Variants in CSMD1 observed in about 807,000 individuals in gnomAD.
The protein encoded by CSMD1 is CUB and Sushi multiple domains 1, also known as CUB and sushi domain-containing protein 1.
A neutral mutation model predicts 417.5 loss-of-function variants in CSMD1; 213 were observed. The observed-to-expected ratio is 0.51, with a 90% CI of 0.46 to 0.57. CSMD1 has a LOEUF of 0.57. Ranked by LOEUF, CSMD1 falls within the 20% of genes least tolerant of loss-of-function variation. The pLI is 0.00. For missense variants in CSMD1, 6,923 were observed against 4,529.7 expected, an observed-to-expected ratio of 1.53 and a Z score of -15.17; for synonymous variants, 2,862 against 1,736.8, an observed-to-expected ratio of 1.65 and a Z score of -16.11.
At chr8:4,608,792 G>C (rs906382733) in intron 2 of CSMD1, among the ~76,000 whole-genome samples, 1 of 152,168 alleles carries the variant, frequency 6.6e-6, no homozygotes, top group African/African-American at 2.4e-5. Context: ...CTAGCTGAAT[G>C]TGTGATACAC....
At chr8:4,864,476 C>T (rs541834232) in intron 1 of CSMD1, among the ~76,000 whole-genome samples, 5 of 151,930 alleles carry the variant, frequency 3.3e-5, no homozygotes, top group African/African-American at 1.2e-4. Context: ...AATCATTGCT[C>T]AGAAACCCTA....
At chr8:4,201,338 A>T (rs1388825274) in intron 3 of CSMD1, among the ~76,000 whole-genome samples, 1 of 152,076 alleles carries the variant, frequency 6.6e-6, no homozygotes, top group Non-Finnish European at 1.5e-5. Flanking sequence ...GGAGATCGAG[A>T]CCATCTTGGG....
intron 5 of CSMD1, among the ~76,000 whole-genome samples, chr8:3,851,397 T>A (rs143168238): frequency 2.4e-3 from 362 of 152,314 alleles, no homozygotes; most frequent in African/African-American, 6.6e-3. Context: ...TCTTTTGGCA[T>A]GGACATATGT....
rs866200954 is a variant in CSMD1 at position 4,732,558 on chromosome 8, A to G, written c.86-95000T>C. On this transcript the variant is annotated intron_variant, in intron 1 of 69. Coordinates refer to ENST00000635120, the MANE Select transcript of CSMD1 (RefSeq NM_033225.6). ...AATGCAATTGAATTTTATTTGTACT[A>G]ATGGAAAGCAACCTGTCAGAGAAGC... Among the ~76,000 whole-genome samples the G allele has an allele frequency of 3.9e-5, 6 of 152,174 alleles. No homozygotes were observed. The South Asian group carries it at 1.0e-3, about 26-fold the overall frequency.
chr8:3,283,283 TAAAG>T (rs1383665193), intron 26 of CSMD1, among the ~76,000 whole-genome samples: 14 of 152,016 alleles, frequency 9.2e-5, no homozygotes, highest in African/African-American at 3.4e-4. Flanking sequence ...CTTCATTACA[TAAAG>T]AAAGTGTCAG....
At chr8:3,360,059 G>C (rs1161061779) in intron 20 of CSMD1, among the ~76,000 whole-genome samples, 1 of 152,156 alleles carries the variant, frequency 6.6e-6, no homozygotes, top group African/African-American at 2.4e-5. Context: ...TAAAAGCAAA[G>C]GCACAGGGCT....
intron 56 of CSMD1, among the ~76,000 whole-genome samples, 163 bp downstream of exon 56, chr8:2,974,288 A>G (rs1323781747): frequency 1.3e-5 from 2 of 152,264 alleles, no homozygotes; most frequent in Non-Finnish European, 2.9e-5. Context: ...TGAAGACAAT[A>G]TCTATAAGAG....
intron 5 of CSMD1, among the ~76,000 whole-genome samples, chr8:3,823,451 C>T (rs988922973): frequency 2.6e-5 from 4 of 152,192 alleles, no homozygotes; most frequent in African/African-American, 4.8e-5. Flanking sequence ...AAGTATAAAA[C>T]GTTTGCAATT....
chr8:3,576,714 C>T (rs1396879440), intron 9 of CSMD1, among the ~76,000 whole-genome samples: 1 of 152,058 alleles, frequency 6.6e-6, no homozygotes, highest in Non-Finnish European at 1.5e-5. Flanking sequence ...AAACATGGAC[C>T]CCTCTTATAC....
chr8:3,181,844 C>G (rs1374823742), intron 36 of CSMD1, among the ~76,000 whole-genome samples: 2 of 152,084 alleles, frequency 1.3e-5, no homozygotes, highest in African/African-American at 2.4e-5. Context: ...ATACAGATAC[C>G]GAGGACCAGG....
At chr8:4,008,084 T>C (rs1816267186) in intron 4 of CSMD1, among the ~76,000 whole-genome samples, 2 of 152,198 alleles carry the variant, frequency 1.3e-5, no homozygotes, top group Non-Finnish European at 1.5e-5. Context: ...GGTTTTTTCT[T>C]TGTTTTTAAA....
intron 5 of CSMD1, among the ~76,000 whole-genome samples, chr8:3,982,629 G>C (rs967860484): frequency 2.0e-5 from 3 of 149,326 alleles, no homozygotes; most frequent in South Asian, 2.1e-4. Context: ...AAAAAAAAAA[G>C]CCATTAAATT....
At chr8:4,211,117 T>A (rs1267258487) in intron 3 of CSMD1, among the ~76,000 whole-genome samples, 3 of 152,202 alleles carry the variant, frequency 2.0e-5, no homozygotes, top group Non-Finnish European at 4.4e-5. Flanking sequence ...CTTGCTGTTA[T>A]ATATTCCTGA....
chr8:4,874,018 G>A (rs577270477), intron 1 of CSMD1, among the ~76,000 whole-genome samples: 17 of 152,230 alleles, frequency 1.1e-4, no homozygotes, highest in Admixed American at 7.2e-4. Flanking sequence ...GTAATCGCAT[G>A]ATTAGTCTAT....
intron 1 of CSMD1, among the ~76,000 whole-genome samples, chr8:4,945,104 A>T (rs1036738176): frequency 3.3e-5 from 5 of 152,162 alleles, no homozygotes; most frequent in Non-Finnish European, 7.4e-5. Context: ...TACAACACAG[A>T]TGGACCTCAA....
intron 8 of CSMD1, among the ~76,000 whole-genome samples, chr8:3,602,685 C>T (rs978040952): frequency 6.6e-6 from 1 of 150,962 alleles, no homozygotes; most frequent in Non-Finnish European, 1.5e-5. Context: ...ATCACATCTC[C>T]TATTTCAACC....
intron 21 of CSMD1, among the ~76,000 whole-genome samples, chr8:3,357,554 A>T (rs538277595): frequency 6.6e-6 from 1 of 152,362 alleles, no homozygotes; most frequent in East Asian, 1.9e-4. Flanking sequence ...AATGACAAGA[A>T]AAACAGTGTA....
intron 11 of CSMD1, among the ~76,000 whole-genome samples, chr8:3,478,395 T>C (rs1170951757): frequency 6.6e-6 from 1 of 152,210 alleles, no homozygotes; most frequent in Non-Finnish European, 1.5e-5. Flanking sequence ...TACTTAAAAG[T>C]ATATGGACTG....
At chr8:4,134,991 C>A (rs909019785) in intron 3 of CSMD1, among the ~76,000 whole-genome samples, 15 of 152,142 alleles carry the variant, frequency 9.9e-5, no homozygotes, top group African/African-American at 1.2e-4. Context: ...TGTCTGGGTT[C>A]TCTTCTGCCT....
Sources: gnomAD v4.1 joint callset for allele counts (sites outside exome capture counted in the v4.1 genomes callset) on GRCh38, gnomAD v4.1.1 for gene constraint, MANE v1.5 for transcripts, NCBI Gene and HGNC (gene_info 2026-07-23, HGNC 2026-07-21) for gene names.